The following RND2 variants were observed in gnomAD, a reference collection of about 807,000 sequenced individuals.
RND2 encodes rho-related GTP-binding protein RhoN.
RND2 carries 16 observed loss-of-function variants against 25.9 expected under a neutral mutation model. That is an observed-to-expected ratio of 0.62 (90% CI 0.42 to 0.94). RND2 has a LOEUF of 0.94. Ranked by LOEUF, RND2 falls within the 40% of genes least tolerant of loss-of-function variation. The probability of loss-of-function intolerance (pLI) is 0.00; values close to 1 mark genes in which losing one functional copy is unlikely to be tolerated. For synonymous variants in RND2, 97 were observed against 118.1 expected, an observed-to-expected ratio of 0.82 and a Z score of 1.16; for missense variants, 276 against 305.5, an observed-to-expected ratio of 0.90 and a Z score of 0.72.
rs1379038324 is a variant in RND2 at position 43,028,252 on chromosome 17, C to G, written c.435+57C>G. The stretch of plus-strand genomic sequence containing the variant: ...CCTAGACCTGTCACCTCTGCCCCTT[C>G]AGTCTCTGATTTGAAAACACCTTAC... On this transcript the variant is annotated intron_variant, in intron 4 of 4. Transcript: ENST00000587250. 3 of 1,607,918 alleles carry G rather than the reference C, an allele frequency of 1.9e-6. No individual in the cohort carries two copies. In the African/African-American group the frequency reaches 4.0e-5, roughly 21 times the overall value.
rs535284247 is a variant in RND2, at chr17:43,028,347, A to G, written c.436-85A>G. The G allele has an allele frequency of 9.5e-5, 151 of 1,585,700 alleles. 1 individual carries two copies. The South Asian group carries it at 1.3e-3, about 14-fold the overall frequency. ...TTGACTGCCCCCAGCCTTGACATTCAACCCCAGCCCACAGCCTCCATGCCC... is the reference window on the plus strand; with the variant it reads ...TTGACTGCCCCCAGCCTTGACATTCGACCCCAGCCCACAGCCTCCATGCCC... On this transcript the variant is annotated intron_variant, in intron 4 of 4. Coordinates refer to ENST00000587250, the MANE Select transcript of RND2 (RefSeq NM_005440.5).
Position 43,028,082 on chromosome 17 carries a change from T to C in RND2, c.322T>C (p.Phe108Leu). ...LKKWQGETQEFCPNAKVVLVG... is the reference protein window; with the variant it reads ...LKKWQGETQELCPNAKVVLVG... ...ATAGTGGCAAGGAGAGACTCAAGAG[T>C]TCTGCCCCAATGCCAAGGTTGTGCT... Residue 108 changes from phenylalanine (F) to leucine (L), a missense_variant, in exon 4 of 5, where the codon TTC becomes CTC. Physicochemically the swap from Phe to Leu is conservative, Grantham distance 22. Coordinates refer to ENST00000587250, the MANE Select transcript of RND2 (RefSeq NM_005440.5). The C allele has an allele frequency of 6.2e-7, 1 of 1,613,928 alleles. No individual in the cohort carries two copies. The highest frequency in any genetic ancestry group is 8.5e-7 in the Non-Finnish European group (1 of 1,179,946).
Position 43,029,356 on chromosome 17 carries a change from G to C in RND2, c.*676G>C, listed in dbSNP as rs1024965251. On this transcript the variant is annotated 3_prime_UTR_variant, in exon 5 of 5. Transcript: ENST00000587250. ...GTCCACAGATAGAGCAGAGGACAAAGCCATAGGTTGGATCAGAAGTGTCCT... is the reference window on the plus strand; with the variant it reads ...GTCCACAGATAGAGCAGAGGACAAACCCATAGGTTGGATCAGAAGTGTCCT... 2 of 153,552 alleles carry C rather than the reference G, an allele frequency of 1.3e-5. No individual in the cohort carries two copies. Among genetic ancestry groups the C allele is most frequent in the African/African-American group, 4.8e-5 (2 of 41,472 alleles). The allele number at this position is 153,552 out of a possible 1,614,324, so 9.5% of individuals were successfully genotyped here.
At chr17:43,027,021 C>T (rs188059837) in intron 2 of RND2, among the ~76,000 whole-genome samples, 162 bp from the exon 3 acceptor site, 1 of 152,344 alleles carries the variant, frequency 6.6e-6, no homozygotes, top group African/African-American at 2.4e-5. Flanking sequence ...CGCTCCCCCA[C>T]TTGGGAAACC....
Position 43,029,599 on chromosome 17 carries a change from G to A in RND2, c.*919G>A, listed in dbSNP as rs1234512135. On this transcript the variant is annotated 3_prime_UTR_variant, in exon 5 of 5. Coordinates refer to ENST00000587250, the MANE Select transcript of RND2 (RefSeq NM_005440.5). ...CTGCTGGTACCCTGGGGGTTGTGGG[G>A]ATAAGGAGGCATCAGGCCGGGCGCG... 1.3e-5 allele frequency: 2 copies of A among 152,500 alleles called. No homozygotes were observed. The highest frequency in any genetic ancestry group is 4.8e-5 in the African/African-American group (2 of 41,438). 9.4% of individuals were successfully genotyped at this position (152,500 alleles called of 1,614,324 possible).
chr17:43,031,575 C>T lies in RND2; in HGVS notation c.*2895C>T, dbSNP rs2050672320. The T allele has an allele frequency of 6.6e-6, 1 of 152,204 alleles. No homozygotes were observed. The highest frequency in any genetic ancestry group is 1.5e-5 in the Non-Finnish European group (1 of 68,048). 9.4% of individuals were successfully genotyped at this position (152,204 alleles called of 1,614,324 possible). Reference sequence around the variant, plus strand: ...TATAGCAGGTTCAAGCCTGCAACCACCAAAGTGCAGAGTGTGGAGTGTTTG... The same window carrying T: ...TATAGCAGGTTCAAGCCTGCAACCATCAAAGTGCAGAGTGTGGAGTGTTTG... On this transcript the variant is annotated 3_prime_UTR_variant, in exon 5 of 5. Transcript: ENST00000587250.
chr17:43,028,231 G>C (rs929257681), intron 4 of RND2, 36 bp downstream of exon 4: 1 of 1,612,806 alleles, frequency 6.2e-7, no homozygotes, highest in Non-Finnish European at 8.5e-7. Context: ...TCCCAGCCTA[G>C]ACCTGTCACC....
At chr17:43,027,026 G>T (rs1334543784) in intron 2 of RND2, among the ~76,000 whole-genome samples, 157 bp from the exon 3 acceptor site, 1 of 152,202 alleles carries the variant, frequency 6.6e-6, no homozygotes, top group Non-Finnish European at 1.5e-5. Flanking sequence ...CCCCACTTGG[G>T]AAACCCAGAC....
intron 1 of RND2, 51 bp downstream of exon 1, chr17:43,025,500 G>A (rs1247236317): frequency 6.6e-7 from 1 of 1,525,630 alleles, no homozygotes; most frequent in South Asian, 1.2e-5. Context: ...TGGGGGGTGG[G>A]TGACAGGGGC....
Position 43,025,855 on chromosome 17 carries a change from T to C in RND2, c.103-105T>C. The C allele has an allele frequency of 6.4e-6, 3 of 468,308 alleles. No individual in the cohort carries two copies. The South Asian group carries it at 6.8e-5, about 11-fold the overall frequency. 29.0% of individuals were successfully genotyped at this position (468,308 alleles called of 1,614,324 possible). A position where few individuals can be genotyped will look rare whatever the true frequency, so the allele number is the denominator to read the frequency against. ...CCCCTTTGCCCAATCCCAGACCAAC[T>C]TGTGTCCAGGGGCTGGGCTGGACGG... is the stretch of plus-strand genomic sequence containing the variant. On this transcript the variant is annotated intron_variant, in intron 1 of 4. Coordinates refer to ENST00000587250, the MANE Select transcript of RND2 (RefSeq NM_005440.5).
chr17:43,028,647 C>G lies in RND2; in HGVS notation c.651C>G (p.His217Gln), dbSNP rs140926200. The change falls in exon 5 of 5, where the codon CAC (histidine) becomes CAG (glutamine). Residue 217 changes from histidine to glutamine, a missense_variant. Transcript: ENST00000587250. ...RPDRGNEGEI[H>Q]KDRAKSCNLM is the part of the protein sequence containing the mutation. ...ACCGGGGGAATGAGGGCGAGATACACAAGGATCGAGCCAAAAGCTGCAACC... is the reference window on the plus strand; with the variant it reads ...ACCGGGGGAATGAGGGCGAGATACAGAAGGATCGAGCCAAAAGCTGCAACC... 3 of 1,596,622 alleles carry G rather than the reference C, an allele frequency of 1.9e-6. No homozygotes were observed. The African/African-American group carries it at 4.0e-5, about 21-fold the overall frequency.
In RND2 at chr17:43,028,728, T is replaced by C. The variant is rs1479596995; in HGVS notation, c.*48T>C. ...TGAAGAGGGGTGGTGAGGGACACAA[T>C]TGTTCCCCTGCCTGCGCCCAGGCTT... is the stretch of plus-strand genomic sequence containing the variant. On this transcript the variant is annotated 3_prime_UTR_variant, in exon 5 of 5. Coordinates refer to ENST00000587250, the MANE Select transcript of RND2 (RefSeq NM_005440.5). 4.0e-6 allele frequency: 6 copies of C among 1,510,374 alleles called. No homozygotes were observed. The highest frequency in any genetic ancestry group is 2.5e-5 in the South Asian group (2 of 81,206). The allele number at this position is 1,510,374 out of a possible 1,614,324, so 93.6% of individuals were successfully genotyped here. A position where few individuals can be genotyped will look rare whatever the true frequency, so the allele number is the denominator to read the frequency against.
chr17:43,028,838 A>G lies in RND2; in HGVS notation c.*158A>G. The G allele has an allele frequency of 3.0e-6, 3 of 1,001,250 alleles. No individual in the cohort carries two copies. Among genetic ancestry groups the G allele is most frequent in the East Asian group, 2.7e-5 (1 of 37,684 alleles). The allele number at this position is 1,001,250 out of a possible 1,614,324, so 62.0% of individuals were successfully genotyped here. A position where few individuals can be genotyped will look rare whatever the true frequency, so the allele number is the denominator to read the frequency against. Reference sequence around the variant, plus strand: ...GGGAGCTGGAGGGCAGAAGGGTATCATCGTTTCTCATCTCCTCCTCCCTCC... The same window carrying G: ...GGGAGCTGGAGGGCAGAAGGGTATCGTCGTTTCTCATCTCCTCCTCCCTCC... On this transcript the variant is annotated 3_prime_UTR_variant, in exon 5 of 5. Transcript: ENST00000587250.
chr17:43,032,019 A>G lies in RND2; in HGVS notation c.*3339A>G, dbSNP rs1021587978. The G allele has an allele frequency of 2.0e-5, 3 of 151,468 alleles. No homozygotes were observed. The highest frequency in any genetic ancestry group is 4.4e-5 in the Non-Finnish European group (3 of 67,998). 9.4% of individuals were successfully genotyped at this position (151,468 alleles called of 1,614,324 possible). Reference sequence around the variant, plus strand: ...GTAGCCTCGTTAAACATTTAATGAAATAAACAAATAATCACACTGTGATGG... The same window carrying G: ...GTAGCCTCGTTAAACATTTAATGAAGTAAACAAATAATCACACTGTGATGG... On this transcript the variant is annotated 3_prime_UTR_variant, in exon 5 of 5. Transcript: ENST00000587250.
rs920047144 is a variant in RND2, at chr17:43,028,823, G to A, written c.*143G>A. ...AGCAATTCTGGGCAGGGGAGCTGGA[G>A]GGCAGAAGGGTATCATCGTTTCTCA... On this transcript the variant is annotated 3_prime_UTR_variant, in exon 5 of 5. Transcript: ENST00000587250. 3.4e-6 allele frequency: 4 copies of A among 1,191,176 alleles called. No homozygotes were observed. The highest frequency in any genetic ancestry group is 2.3e-6 in the Non-Finnish European group (2 of 867,358). 73.8% of individuals were successfully genotyped at this position (1,191,176 alleles called of 1,614,324 possible). A position where few individuals can be genotyped will look rare whatever the true frequency, so the allele number is the denominator to read the frequency against.
rs1262186004 is a variant in RND2 at position 43,028,634 on chromosome 17, A to G, written c.638A>G (p.Glu213Gly). The change falls in exon 5 of 5, where the codon GAG becomes GGG. Residue 213 changes from glutamate (E) to glycine (G), a missense_variant. Coordinates refer to ENST00000587250, the MANE Select transcript of RND2 (RefSeq NM_005440.5). ...TCAGGACGGCCAGACCGGGGGAATG[A>G]GGGCGAGATACACAAGGATCGAGCC... ...QLSGRPDRGN[E>G]GEIHKDRAKS... 2.5e-6 allele frequency: 4 copies of G among 1,606,782 alleles called. No individual in the cohort carries two copies.
At chr17:43,026,287 T>A (rs1444549587) in intron 2 of RND2, 2 of 477,388 alleles carry the variant, frequency 4.2e-6, no homozygotes, top group East Asian at 6.1e-5. Flanking sequence ...CCTGCCTACC[T>A]GGGAAAGTTG....
Position 43,027,294 on chromosome 17 carries a change from T to C in RND2, c.300+2T>C. 1 of 1,600,800 alleles carries C rather than the reference T, an allele frequency of 6.2e-7. No homozygotes were observed. Among genetic ancestry groups the C allele is most frequent in the South Asian group, 1.1e-5 (1 of 89,796 alleles). ...ACACTGGACAGTGTTCTCAAGAAGGTGGGAGCCTGGGGAAATAGGGCAGCT... is the reference window on the plus strand; with the variant it reads ...ACACTGGACAGTGTTCTCAAGAAGGCGGGAGCCTGGGGAAATAGGGCAGCT... On this transcript the variant is annotated splice_donor_variant, in intron 3 of 4. Transcript: ENST00000587250. LOFTEE classifies it high-confidence loss of function.
At position 43,031,932 on chromosome 17, in the gene RND2, T is replaced by C. The variant is rs1260760648; in HGVS notation, c.*3252T>C. 6.6e-6 allele frequency: 1 copy of C among 151,782 alleles called. No homozygotes were observed. The highest frequency in any genetic ancestry group is 2.4e-5 in the African/African-American group (1 of 41,272). The allele number at this position is 151,782 out of a possible 1,614,324, so 9.4% of individuals were successfully genotyped here. On this transcript the variant is annotated 3_prime_UTR_variant, in exon 5 of 5. Coordinates refer to ENST00000587250, the MANE Select transcript of RND2 (RefSeq NM_005440.5). ...CCCTTCCCCACCCCAGATGCAGGAGTCACCCAGCTTCCTTCTCTGCGCTGT... is the reference window on the plus strand; with the variant it reads ...CCCTTCCCCACCCCAGATGCAGGAGCCACCCAGCTTCCTTCTCTGCGCTGT...
Sources: gnomAD v4.1 joint callset for allele counts (sites outside exome capture counted in the v4.1 genomes callset) on GRCh38, gnomAD v4.1.1 for gene constraint, MANE v1.5 for transcripts, NCBI Gene and HGNC (gene_info 2026-07-23, HGNC 2026-07-21) for gene names.